Variants in LRBA observed in about 807,000 individuals in gnomAD.
The protein encoded by LRBA is lipopolysaccharide-responsive and beige-like anchor protein.
A neutral mutation model predicts 330.0 loss-of-function variants in LRBA; 176 were observed. The observed-to-expected ratio is 0.53, with a 90% CI of 0.47 to 0.60. The LOEUF is 0.60. Among genes scored for constraint, LRBA ranks in the 20% least tolerant of loss-of-function variants. The pLI, the probability that LRBA is intolerant of heterozygous loss-of-function variation, is 0.00. For synonymous variants in LRBA, 1,230 were observed against 1,193.0 expected (o/e 1.03, Z -0.64); for missense variants, 3,259 against 3,444.8 (o/e 0.95, Z 1.35).
intron 13 of LRBA, among the ~76,000 whole-genome samples, chr4:150,903,108 A>G (rs1470312211): frequency 6.6e-6 from 1 of 152,198 alleles, no homozygotes; most frequent in Non-Finnish European, 1.5e-5. Context: ...GGCGTTGGGC[A>G]TGGTAGCTCA....
At chr4:150,740,657 A>AAG (rs1553950899) in intron 35 of LRBA, among the ~76,000 whole-genome samples, 1 of 151,620 alleles carries the variant, frequency 6.6e-6, no homozygotes, top group Non-Finnish European at 1.5e-5. Flanking sequence ...AAAAAAAAAA[A>AAG]AAGTTAAAAC....
chr4:150,627,169 T>C (rs1218997033), intron 37 of LRBA, among the ~76,000 whole-genome samples: 1 of 152,102 alleles, frequency 6.6e-6, no homozygotes, highest in Non-Finnish European at 1.5e-5. Flanking sequence ...TCAGTATTCC[T>C]GGTCCTATTT....
intron 17 of LRBA, among the ~76,000 whole-genome samples, chr4:150,891,061 T>G (rs945606373): frequency 2.0e-5 from 3 of 152,220 alleles, no homozygotes; most frequent in African/African-American, 7.2e-5. Context: ...AGCCTTTACA[T>G]AAACCCTTAA....
intron 34 of LRBA, among the ~76,000 whole-genome samples, chr4:150,774,969 G>GTCATAGATCTGCTCCAGTCAAATCAGCA (rs1331120481): frequency 1.1e-4 from 16 of 152,284 alleles, no homozygotes; most frequent in Admixed American, 7.8e-4. Flanking sequence ...ATTCACCAAT[G>GTCATAGATCTGCTCCAGTCAAATCAGCA]TCATAGATCT....
intron 36 of LRBA, among the ~76,000 whole-genome samples, chr4:150,705,500 T>C (rs1785530260): frequency 6.6e-6 from 1 of 151,982 alleles, no homozygotes; most frequent in South Asian, 2.1e-4. Context: ...GAGGCAAGTA[T>C]AACACTGAAG....
chr4:150,721,853 G>A (rs949504800), intron 36 of LRBA, among the ~76,000 whole-genome samples: 1 of 152,174 alleles, frequency 6.6e-6, no homozygotes, highest in Non-Finnish European at 1.5e-5. Flanking sequence ...CTGACCTCAA[G>A]TGATCCGCCC....
rs58972028 is a variant in LRBA at position 150,365,791 on chromosome 4, CAAAAAAAA to C, written c.7195-15640_7195-15633del. Among the ~76,000 whole-genome samples the C allele has an allele frequency of 2.2e-3, 198 of 91,674 alleles. 4 individuals are homozygous for C. Among genetic ancestry groups the C allele is most frequent in the Admixed American group, 0.021 (188 of 9,032 alleles). The allele number at this position is 91,674 out of a possible 152,430, so 60.1% of individuals were successfully genotyped here. On this transcript the variant is annotated intron_variant, in intron 47 of 56. Transcript: ENST00000651943. ...GGGTAACAAGAGTGAAACTCTGTCT[CAAAAAAAA>C]AAAAAAAAAAAAAGTGATTTCATGT...
At chr4:150,942,265 A>T (rs1049186725) in intron 2 of LRBA, among the ~76,000 whole-genome samples, 2 of 152,202 alleles carry the variant, frequency 1.3e-5, no homozygotes, top group African/African-American at 4.8e-5. Flanking sequence ...CCCTTCTCTA[A>T]GATCATAATT....
chr4:150,564,375 C>T (rs1291106391), intron 40 of LRBA, among the ~76,000 whole-genome samples: 1 of 152,112 alleles, frequency 6.6e-6, no homozygotes, highest in Non-Finnish European at 1.5e-5. Context: ...ATCCCTCATA[C>T]AAAAATTAAT....
intron 52 of LRBA, among the ~76,000 whole-genome samples, chr4:150,306,880 A>G (rs557277463): frequency 2.0e-5 from 3 of 152,260 alleles, no homozygotes; most frequent in Non-Finnish European, 2.9e-5. Flanking sequence ...TTCTGTCACT[A>G]TTAGCTACAT....
At chr4:150,548,354 C>T (rs1305344987) in intron 40 of LRBA, among the ~76,000 whole-genome samples, 1 of 152,154 alleles carries the variant, frequency 6.6e-6, no homozygotes, top group African/African-American at 2.4e-5. Flanking sequence ...GAGGATACAG[C>T]TCATACTCAG....
chr4:150,443,008 C>T lies in LRBA; in HGVS notation c.6781-6144G>A, dbSNP rs187393207. Among the ~76,000 whole-genome samples the T allele has an allele frequency of 7.7e-4, 117 of 152,208 alleles. 1 individual carries two copies. The highest frequency in any genetic ancestry group is 6.5e-4 in the Admixed American group (10 of 15,288). On this transcript the variant is annotated intron_variant, in intron 44 of 56. Transcript: ENST00000651943. The stretch of plus-strand genomic sequence containing the variant: ...TTGCTGAATATAAGCAAAGGTTCTA[C>T]GAGTCTTACATAAATCATCTCATTA...
intron 36 of LRBA, among the ~76,000 whole-genome samples, chr4:150,698,061 G>C (rs1209319959): frequency 6.6e-6 from 1 of 152,004 alleles, no homozygotes; most frequent in Non-Finnish European, 1.5e-5. Flanking sequence ...TAAAATACTT[G>C]CTTTGCAAAA....
At chr4:150,370,376 T>TCA (rs745410500) in intron 47 of LRBA, among the ~76,000 whole-genome samples, 66 of 152,208 alleles carry the variant, frequency 4.3e-4, no homozygotes, top group Admixed American at 3.9e-4. Flanking sequence ...AGCTATCAAG[T>TCA]CACACAAAGA....
intron 30 of LRBA, among the ~76,000 whole-genome samples, chr4:150,819,675 T>A (rs1219128354): frequency 2.0e-5 from 3 of 152,078 alleles, no homozygotes; most frequent in African/African-American, 7.2e-5. Flanking sequence ...GGAAAACTGG[T>A]AACAGAACAG....
chr4:150,569,708 C>G (rs765105803), intron 40 of LRBA, among the ~76,000 whole-genome samples: 3 of 152,070 alleles, frequency 2.0e-5, no homozygotes, highest in Non-Finnish European at 4.4e-5. Flanking sequence ...TGCTTTTTAT[C>G]AAAACATGTA....
At chr4:150,361,246 G>C (rs1280634006) in intron 47 of LRBA, among the ~76,000 whole-genome samples, 1 of 152,066 alleles carries the variant, frequency 6.6e-6, no homozygotes, top group South Asian at 2.1e-4. Context: ...CTGCATTTTC[G>C]ATTAAATAAT....
intron 33 of LRBA, among the ~76,000 whole-genome samples, chr4:150,799,955 C>T (rs763371764): frequency 4.6e-5 from 7 of 152,038 alleles, no homozygotes; most frequent in African/African-American, 1.2e-4. Context: ...ATGTTGGCCA[C>T]GCTGGTCTCG....
chr4:150,501,303 C>G (rs776420331), intron 40 of LRBA, among the ~76,000 whole-genome samples: 10 of 152,132 alleles, frequency 6.6e-5, no homozygotes, highest in Non-Finnish European at 1.3e-4. Context: ...GGAGGGCCAA[C>G]TCAGCTTCAC....
Sources: allele counts gnomAD v4.1 joint callset (sites outside exome capture counted in the v4.1 genomes callset), GRCh38; gene constraint gnomAD v4.1.1; transcripts MANE v1.5; gene names NCBI Gene and HGNC (gene_info 2026-07-23, HGNC 2026-07-21).